C14orf93: variants seen among roughly 807,000 people sequenced by gnomAD.
C14orf93 encodes chromosome 14 open reading frame 93, also known as uncharacterized protein C14orf93.
Under a neutral mutation model 44.0 loss-of-function variants are expected in C14orf93, and 23 were observed. The observed-to-expected ratio is 0.52, with a 90% confidence interval of 0.38 to 0.74. The LOEUF (loss-of-function observed/expected upper bound fraction) is 0.74, where lower values mean the gene tolerates loss of function less well. Among genes scored for constraint, C14orf93 ranks in the 30% least tolerant of loss-of-function variants. The pLI, the probability that C14orf93 is intolerant of heterozygous loss-of-function variation, is 0.00. For synonymous variants in C14orf93, 253 were observed against 265.7 expected (o/e 0.95, Z 0.46); for missense variants, 579 against 678.9 (o/e 0.85, Z 1.64).
chr14:22,999,030 TG>T lies in C14orf93; in HGVS notation c.-8del. The T allele has an allele frequency of 6.2e-7, 1 of 1,602,288 alleles. No homozygotes were observed. ...TGGTGGCACTGAAGGACATGGCGGA[TG>T]GGGCAGTAACAACCACGCTTACACT... On this transcript the variant is annotated 5_prime_UTR_variant, in exon 2 of 7. Coordinates refer to ENST00000299088, the MANE Select transcript of C14orf93 (RefSeq NM_021944.4).
chr14:23,008,377 T>C (rs1165272031), intron 1 of C14orf93, among the ~76,000 whole-genome samples: 1 of 152,220 alleles, frequency 6.6e-6, no homozygotes, highest in Admixed American at 6.5e-5. Flanking sequence ...ACTTTTGTTA[T>C]AAATTTGTAC....
intron 1 of C14orf93, chr14:23,006,298 T>A (rs1387829092): frequency 6.6e-6 from 1 of 152,282 alleles, no homozygotes; most frequent in South Asian, 2.1e-4. Context: ...CAAGAGCAGC[T>A]AAGTAAATAC....
intron 5 of C14orf93, among the ~76,000 whole-genome samples, chr14:22,989,270 G>A (rs1450243215): frequency 6.6e-6 from 1 of 152,234 alleles, no homozygotes; most frequent in Non-Finnish European, 1.5e-5. Flanking sequence ...TAGGATTACA[G>A]GGATGAGCCA....
rs2045305196 is a variant in C14orf93 at position 22,987,594 on chromosome 14, G to A, written c.1238C>T (p.Pro413Leu). 1 of 1,610,428 alleles carries A rather than the reference G, an allele frequency of 6.2e-7. No homozygotes were observed. The highest frequency in any genetic ancestry group is 8.5e-7 in the Non-Finnish European group (1 of 1,178,054). The change falls in exon 7 of 7, where the codon CCT becomes CTT. Residue 413 changes from proline to leucine, a missense_variant. By Grantham distance (98) the Pro-to-Leu change is moderately conservative. Coordinates refer to ENST00000299088, the MANE Select transcript of C14orf93 (RefSeq NM_021944.4). This position sits in a 1 kb window ranked among gnomAD's most constrained non-coding sequence, Gnocchi z 5.6. ...NRSSIMRHFG[P>L]EDQRLWNDVT... Reference sequence around the variant, plus strand: ...ATCATTCCACAGACGTTGGTCCTCAGGTCCAAAATGCCTCATGATACTGGA... The same window carrying A: ...ATCATTCCACAGACGTTGGTCCTCAAGTCCAAAATGCCTCATGATACTGGA...
chr14:22,989,893 CCAGA>C (rs1352707010), intron 4 of C14orf93, 48 bp from the exon 5 acceptor site: 1 of 1,541,644 alleles, frequency 6.5e-7, no homozygotes, highest in Non-Finnish European at 9.0e-7. Context: ...TTTGTAAGAG[CCAGA>C]CAAACAGAGA....
In C14orf93 at chr14:22,996,318, C is replaced by T. The variant is rs1214855095; in HGVS notation, c.598-50G>A. ...TATTAGCCAGCCAGGCTTAGGGGAACCTGGTTAACCATCATTCTTTGGCTA... is the reference window on the plus strand; with the variant it reads ...TATTAGCCAGCCAGGCTTAGGGGAATCTGGTTAACCATCATTCTTTGGCTA... On this transcript the variant is annotated intron_variant, in intron 2 of 6. Transcript: ENST00000299088. The surrounding 1 kb of genome is among the most constrained non-coding windows in gnomAD (Gnocchi z 4.1). 6.7e-7 allele frequency: 1 copy of T among 1,486,470 alleles called. No individual in the cohort carries two copies. Among genetic ancestry groups the T allele is most frequent in the African/African-American group, 1.4e-5 (1 of 71,040 alleles). The allele number at this position is 1,486,470 out of a possible 1,614,324, so 92.1% of individuals were successfully genotyped here. A position where few individuals can be genotyped will look rare whatever the true frequency, so the allele number is the denominator to read the frequency against.
chr14:22,998,279 C>A (rs2046111382), intron 2 of C14orf93, 148 bp downstream of exon 2: 2 of 1,172,236 alleles, frequency 1.7e-6, no homozygotes, highest in African/African-American at 3.1e-5. Flanking sequence ...GCTGACTATC[C>A]CTGAAGGAAA....
rs540473017 is a variant in C14orf93 at position 22,996,046 on chromosome 14, C to T, written c.820G>A (p.Gly274Arg). Residue 274 changes from glycine to arginine, a missense_variant, in exon 3 of 7, where the codon GGG becomes AGG. Coordinates refer to ENST00000299088, the MANE Select transcript of C14orf93 (RefSeq NM_021944.4). This position sits in a 1 kb window ranked among gnomAD's most constrained non-coding sequence, Gnocchi z 4.1. ...AGCCCTAGAGAGTGTCTCAGCTCCCCAGTGCTCCCAGGGCCTGACTCTTCC... is the reference window on the plus strand; with the variant it reads ...AGCCCTAGAGAGTGTCTCAGCTCCCTAGTGCTCCCAGGGCCTGACTCTTCC... The part of the protein sequence containing the change: ...ALEESGPGST[G>R]ELRHSLGLTV... 1.8e-5 allele frequency: 29 copies of T among 1,614,178 alleles called. No homozygotes were observed. Among genetic ancestry groups the T allele is most frequent in the South Asian group, 1.4e-4 (13 of 91,078 alleles).
chr14:23,002,371 G>A (rs1353520839), intron 1 of C14orf93, among the ~76,000 whole-genome samples: 1 of 147,636 alleles, frequency 6.8e-6, no homozygotes, highest in African/African-American at 2.5e-5. Context: ...AGAATTGCTT[G>A]AACCCAGGAG....
At chr14:22,989,663 C>CT in intron 5 of C14orf93, 79 bp downstream of exon 5, 8 of 1,058,278 alleles carry the variant, frequency 7.6e-6, no homozygotes, top group Non-Finnish European at 1.2e-5. Flanking sequence ...TATTATTCCT[C>CT]TTCTCCTCTG....
At chr14:22,999,684 T>G (rs1315700351) in intron 1 of C14orf93, among the ~76,000 whole-genome samples, 1 of 152,238 alleles carries the variant, frequency 6.6e-6, no homozygotes, top group Non-Finnish European at 1.5e-5. Flanking sequence ...GTTGTATTTT[T>G]TTTTAACTGA....
rs1316592102 is a variant in C14orf93 at position 22,987,275 on chromosome 14, G to A, written c.1557C>T (p.His519=). The A allele has an allele frequency of 1.2e-6, 2 of 1,614,248 alleles. No individual in the cohort carries two copies. Among genetic ancestry groups the A allele is most frequent in the Non-Finnish European group, 1.7e-6 (2 of 1,180,042 alleles). ...APGSPSFDQP[H]KTCCPDLNSF... Reference sequence around the variant, plus strand: ...AGTTCAAGTCAGGACAGCAGGTTTTGTGGGGTTGGTCAAAAGATGGGGAGC... The same window carrying A: ...AGTTCAAGTCAGGACAGCAGGTTTTATGGGGTTGGTCAAAAGATGGGGAGC... Residue 519 remains histidine, a synonymous_variant, in exon 7 of 7, where the codon CAC becomes CAT. Transcript: ENST00000299088. The surrounding 1 kb of genome is among the most constrained non-coding windows in gnomAD (Gnocchi z 5.6).
rs1384746935 is a variant in C14orf93 at position 22,989,811 on chromosome 14, A to C, written c.1015T>G (p.Phe339Val). The C allele has an allele frequency of 6.2e-7, 1 of 1,614,108 alleles. No individual in the cohort carries two copies. Among genetic ancestry groups the C allele is most frequent in the Non-Finnish European group, 8.5e-7 (1 of 1,179,960 alleles). ...KSSWNISVVK[F>V]LLEKLKQELV... Reference sequence around the variant, plus strand: ...TCTTGCTTGAGCTTTTCCAGAAGAAACTTCACTACTGAAATATTCCAAGAG... The same window carrying C: ...TCTTGCTTGAGCTTTTCCAGAAGAACCTTCACTACTGAAATATTCCAAGAG... The change falls in exon 5 of 7, where the codon TTT (phenylalanine) becomes GTT (valine). Residue 339 changes from phenylalanine to valine, a missense_variant. Phe to Val is a conservative substitution (Grantham distance 50, BLOSUM62 -1). Transcript: ENST00000299088.
rs1287036644 is a variant in C14orf93, at chr14:23,010,116, C to T, written c.-395G>A. The T allele has an allele frequency of 3.3e-5, 5 of 152,120 alleles. No individual in the cohort carries two copies. Among genetic ancestry groups the T allele is most frequent in the South Asian group, 2.1e-4 (1 of 4,836 alleles). The allele number at this position is 152,120 out of a possible 1,614,324, so 9.4% of individuals were successfully genotyped here. On this transcript the variant is annotated 5_prime_UTR_variant, in exon 1 of 7. Coordinates refer to ENST00000299088, the MANE Select transcript of C14orf93 (RefSeq NM_021944.4). The stretch of plus-strand genomic sequence containing the variant: ...AAAAGGATACCCGAAGGTCGTATGG[C>T]TCTTTGTATTCGTGTGTGTGCAAAA...
At position 22,987,224 on chromosome 14, in the gene C14orf93, CT is replaced by C. The variant is rs1452469356; in HGVS notation, c.1607del (p.Lys536ArgfsTer10). The C allele has an allele frequency of 6.8e-6, 11 of 1,610,960 alleles. No homozygotes were observed. Among genetic ancestry groups the C allele is most frequent in the African/African-American group, 2.7e-5 (2 of 74,830 alleles). On this transcript the variant is annotated frameshift_variant, in exon 7 of 7. Coordinates refer to ENST00000299088, the MANE Select transcript of C14orf93 (RefSeq NM_021944.4). LOFTEE classifies it high-confidence loss of function. The surrounding 1 kb of genome is among the most constrained non-coding windows in gnomAD (Gnocchi z 5.6). ...LNSFIEIKVEKDE is the reference protein window; with the variant it reads ...LNSFIEIKVEXDE ...TTCTTGGCTGTAGATTTTATTCATCCTTTTCCACCTTGATTTCAATGAATGA... is the reference window on the plus strand; with the variant it reads ...TTCTTGGCTGTAGATTTTATTCATCCTTTCCACCTTGATTTCAATGAATGA...
chr14:23,004,351 C>T (rs915595167), intron 1 of C14orf93, among the ~76,000 whole-genome samples: 2 of 151,578 alleles, frequency 1.3e-5, no homozygotes, highest in African/African-American at 4.9e-5. Flanking sequence ...GCTGGGATTA[C>T]AGGTATGCAC....
Position 22,987,469 on chromosome 14 carries a change from G to C in C14orf93, c.1363C>G (p.Leu455Val). 1 of 1,614,242 alleles carries C rather than the reference G, an allele frequency of 6.2e-7. No individual in the cohort carries two copies. Among genetic ancestry groups the C allele is most frequent in the Non-Finnish European group, 8.5e-7 (1 of 1,180,034 alleles). Reference sequence around the variant, plus strand: ...GAGTTAGCATCCAGGTGGTAGCAGAGCTCTGTGAGGCGCTGGGCCCGGAAA... The same window carrying C: ...GAGTTAGCATCCAGGTGGTAGCAGACCTCTGTGAGGCGCTGGGCCCGGAAA... ...PRFRAQRLTELCYHLDANSKH... is the reference protein window; with the variant it reads ...PRFRAQRLTEVCYHLDANSKH... Residue 455 changes from leucine to valine, a missense_variant, in exon 7 of 7, where the codon CTC (leucine) becomes GTC (valine). Leu to Val is a conservative substitution (Grantham distance 32). Coordinates refer to ENST00000299088, the MANE Select transcript of C14orf93 (RefSeq NM_021944.4). The surrounding 1 kb of genome is among the most constrained non-coding windows in gnomAD (Gnocchi z 5.6).
chr14:22,999,002 G>C lies in C14orf93; in HGVS notation c.22C>G (p.Leu8Val). 6.2e-7 allele frequency: 1 copy of C among 1,611,834 alleles called. No individual in the cohort carries two copies. Among genetic ancestry groups the C allele is most frequent in the Non-Finnish European group, 8.5e-7 (1 of 1,179,636 alleles). ...TCGCTGCCACTGGGAGGGGAGAAGA[G>C]AATGGTGGCACTGAAGGACATGGCG... The part of the protein sequence containing the change: MSFSATI[L>V]FSPPSGSEAR... The change falls in exon 2 of 7, where the codon CTC becomes GTC. Residue 8 changes from leucine (L) to valine (V), a missense_variant. Leu to Val is a conservative substitution (Grantham distance 32). Coordinates refer to ENST00000299088, the MANE Select transcript of C14orf93 (RefSeq NM_021944.4).
chr14:22,998,533 GC>G lies in C14orf93; in HGVS notation c.490del (p.Ala164GlnfsTer113). 6.2e-7 allele frequency: 1 copy of G among 1,613,798 alleles called. No homozygotes were observed. On this transcript the variant is annotated frameshift_variant, in exon 2 of 7. Coordinates refer to ENST00000299088, the MANE Select transcript of C14orf93 (RefSeq NM_021944.4). LOFTEE classifies it high-confidence loss of function. ...CAAAGGCCCAGGCCCCACTGAGGCTGCTCCCAGCTGCCGCAGCTCCTCAATC... is the reference window on the plus strand; with the variant it reads ...CAAAGGCCCAGGCCCCACTGAGGCTGTCCCAGCTGCCGCAGCTCCTCAATC... ...VVIEELRQLG[A>X]ASVGPGPLGF...
Sources: gnomAD v4.1 joint callset for allele counts (sites outside exome capture counted in the v4.1 genomes callset) on GRCh38, gnomAD v4.1.1 for gene constraint, Gnocchi (gnomAD v3.1) non-coding constraint, MANE v1.5 for transcripts, NCBI Gene and HGNC (gene_info 2026-07-23, HGNC 2026-07-21) for gene names.